Variants in GRIP1 observed in about 807,000 individuals in gnomAD.
GRIP1 encodes the protein glutamate receptor-interacting protein 1.
Under a neutral mutation model 129.9 loss-of-function variants are expected in GRIP1, and 45 were observed. The observed-to-expected ratio is 0.35, with a 90% CI of 0.27 to 0.44. GRIP1 has a LOEUF of 0.44. Among genes scored for constraint, GRIP1 ranks in the 20% least tolerant of loss-of-function variants. The probability of loss-of-function intolerance (pLI) is 1.00; values close to 1 mark genes in which losing one functional copy is unlikely to be tolerated. For missense variants in GRIP1, 1,196 were observed against 1,396.8 expected (o/e 0.86, Z 2.29); for synonymous variants, 530 against 520.8 (o/e 1.02, Z -0.24).
At chr12:67,015,853 TGA>T (rs2042778532) in intron 1 of GRIP1, among the ~76,000 whole-genome samples, 1 of 152,076 alleles carries the variant, frequency 6.6e-6, no homozygotes, top group South Asian at 2.1e-4. Flanking sequence ...TATCCCCACA[TGA>T]GAGACAACAA....
At chr12:66,997,624 T>C (rs1480043743) in intron 1 of GRIP1, among the ~76,000 whole-genome samples, 1 of 152,150 alleles carries the variant, frequency 6.6e-6, no homozygotes, top group Non-Finnish European at 1.5e-5. Context: ...CCAGTCAATA[T>C]GAAGGTCTGA....
intron 2 of GRIP1, among the ~76,000 whole-genome samples, chr12:66,546,534 CAT>C (rs2061952209): frequency 6.6e-6 from 1 of 151,930 alleles, no homozygotes; most frequent in Non-Finnish European, 1.5e-5. Flanking sequence ...GAGGGATAGA[CAT>C]ATAGATCACT....
At chr12:66,398,854 G>A (rs1379699631) in intron 16 of GRIP1, among the ~76,000 whole-genome samples, 1 of 151,928 alleles carries the variant, frequency 6.6e-6, no homozygotes, top group African/African-American at 2.4e-5. Context: ...TCTAGCATAT[G>A]CCTTTCACTC....
At chr12:66,532,868 G>A (rs1039424764) in intron 4 of GRIP1, among the ~76,000 whole-genome samples, 1 of 152,072 alleles carries the variant, frequency 6.6e-6, no homozygotes, top group African/African-American at 2.4e-5. Context: ...ACATTTATTT[G>A]AGTTAAAAAT....
intron 15 of GRIP1, among the ~76,000 whole-genome samples, chr12:66,412,873 T>C (rs1254090460): frequency 6.6e-6 from 1 of 151,826 alleles, no homozygotes; most frequent in Non-Finnish European, 1.5e-5. Context: ...CCAACAAAGA[T>C]AGAAAAAAAA....
intron 1 of GRIP1, among the ~76,000 whole-genome samples, chr12:66,763,569 C>A (rs554458283): frequency 2.0e-5 from 3 of 152,124 alleles, no homozygotes; most frequent in Non-Finnish European, 4.4e-5. Context: ...GGAGTTTATC[C>A]CCACATGAGA....
intron 7 of GRIP1, among the ~76,000 whole-genome samples, chr12:66,495,780 G>A (rs1419273703): frequency 1.3e-5 from 2 of 152,136 alleles, no homozygotes; most frequent in Admixed American, 6.5e-5. Context: ...GCACGAAATC[G>A]ACTTTTAAGG....
chr12:66,890,453 G>A (rs1048963165), intron 1 of GRIP1, among the ~76,000 whole-genome samples: 3 of 152,166 alleles, frequency 2.0e-5, no homozygotes, highest in African/African-American at 7.2e-5. Context: ...AAAATTGCCT[G>A]TGAAAACACT....
intron 1 of GRIP1, among the ~76,000 whole-genome samples, chr12:66,790,326 C>G (rs2038489396): frequency 6.6e-6 from 1 of 152,114 alleles, no homozygotes; most frequent in Non-Finnish European, 1.5e-5. Context: ...AGTACTATGA[C>G]AGGAACAGAA....
At position 66,611,742 on chromosome 12, in the gene GRIP1, A is replaced by G. The variant is rs919974141; in HGVS notation, c.56-14815T>C. ...ATTTACCACATTTATCTTTTCTGCCATCAGCAAAGATAAGCTGGTTGGAAA... is the reference window on the plus strand; with the variant it reads ...ATTTACCACATTTATCTTTTCTGCCGTCAGCAAAGATAAGCTGGTTGGAAA... On this transcript the variant is annotated intron_variant, in intron 1 of 24. Transcript: ENST00000359742. 3.1e-4 allele frequency among the ~76,000 whole-genome samples: 47 copies of G among 152,308 alleles called. 1 individual carries two copies. The highest frequency in any genetic ancestry group is 1.1e-3 in the African/African-American group (47 of 41,584).
At chr12:66,520,437 A>G (rs1033530444) in intron 5 of GRIP1, among the ~76,000 whole-genome samples, 2 of 152,260 alleles carry the variant, frequency 1.3e-5, no homozygotes, top group Admixed American at 1.3e-4. Context: ...TAAGGGAGTT[A>G]TTAAGGCCTA....
chr12:66,412,383 A>C (rs2057433502), intron 15 of GRIP1, among the ~76,000 whole-genome samples: 3 of 152,196 alleles, frequency 2.0e-5, no homozygotes, highest in Admixed American at 2.0e-4. Context: ...GGCCAAACTA[A>C]ACTTCATAAG....
At chr12:66,528,024 C>G (rs987706208) in intron 5 of GRIP1, among the ~76,000 whole-genome samples, 8 of 151,892 alleles carry the variant, frequency 5.3e-5, no homozygotes, top group African/African-American at 1.7e-4. Flanking sequence ...TATTGAAGCT[C>G]ATTGTCATCC....
At chr12:66,708,413 T>C (rs913455998) in intron 1 of GRIP1, among the ~76,000 whole-genome samples, 1 of 152,022 alleles carries the variant, frequency 6.6e-6, no homozygotes, top group African/African-American at 2.4e-5. Flanking sequence ...TAATTCAAGG[T>C]GATGGTAAAG....
intron 1 of GRIP1, among the ~76,000 whole-genome samples, chr12:66,756,722 T>C (rs1226521182): frequency 2.6e-5 from 4 of 152,144 alleles, no homozygotes; most frequent in African/African-American, 9.7e-5. Flanking sequence ...TGCAATGAGG[T>C]AAATTTCCTT....
intron 11 of GRIP1, among the ~76,000 whole-genome samples, chr12:66,446,620 T>C (rs887956724): frequency 2.6e-5 from 4 of 152,200 alleles, no homozygotes; most frequent in Non-Finnish European, 5.9e-5. Context: ...ATAATCTACT[T>C]TTTCAAAATT....
At chr12:66,852,581 T>C (rs1185249553) in intron 1 of GRIP1, among the ~76,000 whole-genome samples, 1 of 150,660 alleles carries the variant, frequency 6.6e-6, no homozygotes, top group African/African-American at 2.5e-5. Context: ...TACAGGTATA[T>C]GTATATATGT....
intron 1 of GRIP1, among the ~76,000 whole-genome samples, chr12:66,794,425 G>C (rs1301910092): frequency 2.0e-5 from 3 of 152,158 alleles, no homozygotes; most frequent in Non-Finnish European, 4.4e-5. Flanking sequence ...CAAAACGATG[G>C]AGTAATTGGG....
intron 1 of GRIP1, among the ~76,000 whole-genome samples, chr12:66,826,960 T>C (rs1004819463): frequency 3.9e-5 from 6 of 152,184 alleles, no homozygotes; most frequent in Non-Finnish European, 8.8e-5. Context: ...TGAGAATATT[T>C]AATATTTTTC....
Sources: allele counts gnomAD v4.1 joint callset (sites outside exome capture counted in the v4.1 genomes callset), GRCh38; gene constraint gnomAD v4.1.1; transcripts MANE v1.5; gene names NCBI Gene and HGNC (gene_info 2026-07-23, HGNC 2026-07-21).